GBP4: variants seen among roughly 807,000 people sequenced by gnomAD.
GBP4 encodes the protein guanylate binding protein 4.
A neutral mutation model predicts 62.2 loss-of-function variants in GBP4; 69 were observed. That is an observed-to-expected ratio of 1.11 (90% CI 0.91 to 1.36). GBP4 has a LOEUF of 1.36. GBP4 is among the 40% of genes most tolerant of loss of function. The pLI is 0.00. For synonymous variants in GBP4, 278 were observed against 274.6 expected (o/e 1.01, Z -0.12); for missense variants, 697 against 759.3 (o/e 0.92, Z 0.96).
rs1474888423 is a variant in GBP4, at chr1:89,190,201, G to A, written c.1034C>T (p.Ala345Val). 9 of 1,614,072 alleles carry A rather than the reference G, an allele frequency of 5.6e-6. No individual in the cohort carries two copies. The highest frequency in any genetic ancestry group is 5.9e-6 in the Non-Finnish European group (7 of 1,180,030). ...QLENPAAVQR[A>V]ADHYSQQMAQ... is the part of the protein sequence containing the mutation. ...CATCTGCTGGCTATAGTGGTCGGCT[G>A]CCCTCTGCACAGCCGCTGGGTTCTC... is the stretch of plus-strand genomic sequence containing the variant. Residue 345 changes from alanine to valine, a missense_variant, in exon 7 of 11, where the codon GCA becomes GTA. Physicochemically the swap from Ala to Val is moderately conservative, Grantham distance 64. Coordinates refer to ENST00000355754, the MANE Select transcript of GBP4 (RefSeq NM_052941.5).
rs1255248847 is a variant in GBP4, at chr1:89,188,773, C to T, written c.1219G>A (p.Gly407Arg). The T allele has an allele frequency of 1.9e-6, 3 of 1,614,090 alleles. No individual in the cohort carries two copies. The highest frequency in any genetic ancestry group is 2.5e-6 in the Non-Finnish European group (3 of 1,180,054). ...TCTTCATTCTGCAGCACAAAGTCTC[C>T]CTTCTTTTTCTCTATGGTGTCCTGC... Reference protein sequence around the residue: ...KLVDTIEKKKGDFVLQNEEAS... With the variant: ...KLVDTIEKKKRDFVLQNEEAS... Residue 407 changes from glycine to arginine, a missense_variant, in exon 8 of 11, where the codon GGA (glycine) becomes AGA (arginine). Gly to Arg is a moderately radical substitution (Grantham distance 125). Transcript: ENST00000355754.
intron 10 of GBP4, among the ~76,000 whole-genome samples, chr1:89,185,967 G>C (rs886365593): frequency 1.3e-5 from 2 of 152,172 alleles, no homozygotes; most frequent in Non-Finnish European, 2.9e-5. Flanking sequence ...AGCCAAATCT[G>C]ATACTTTCAT....
Position 89,185,131 on chromosome 1 carries a change from A to T in GBP4, c.*123T>A. ...GATATTCTTTGATAATCACTTTTTAATTTTAAACTTTTCTTGAATGAAACT... is the reference window on the plus strand; with the variant it reads ...GATATTCTTTGATAATCACTTTTTATTTTTAAACTTTTCTTGAATGAAACT... On this transcript the variant is annotated 3_prime_UTR_variant, in exon 11 of 11. Transcript: ENST00000355754. The T allele has an allele frequency of 1.7e-6, 1 of 573,626 alleles. No homozygotes were observed. The highest frequency in any genetic ancestry group is 3.0e-6 in the Non-Finnish European group (1 of 332,976). 35.5% of individuals were successfully genotyped at this position (573,626 alleles called of 1,614,324 possible).
intron 6 of GBP4, among the ~76,000 whole-genome samples, chr1:89,190,529 G>C (rs950783404): frequency 1.3e-5 from 2 of 151,274 alleles, no homozygotes; most frequent in Non-Finnish European, 2.9e-5. Flanking sequence ...CTTTTTTATG[G>C]CTCTTGGATT....
At chr1:89,190,876 GTTTCTCAAAC>G (rs1322553400) in intron 6 of GBP4, among the ~76,000 whole-genome samples, 1 of 151,976 alleles carries the variant, frequency 6.6e-6, no homozygotes, top group East Asian at 1.9e-4. Flanking sequence ...ATTTAAATTT[GTTTCTCAAAC>G]TCTCAATGAG....
rs775821401 is a variant in GBP4, at chr1:89,191,558, G to A, written c.671-52C>T. The A allele has an allele frequency of 5.1e-6, 8 of 1,576,492 alleles. No individual in the cohort carries two copies. In the East Asian group the frequency reaches 1.8e-4, roughly 35 times the overall value. ...ATTGAAGAGACAGCCTGCAGGCAAGGGGGCTGAGGACTTTTCCAGGGATCT... is the reference window on the plus strand; with the variant it reads ...ATTGAAGAGACAGCCTGCAGGCAAGAGGGCTGAGGACTTTTCCAGGGATCT... On this transcript the variant is annotated intron_variant, in intron 5 of 10. Transcript: ENST00000355754.
chr1:89,191,244 G>C lies in GBP4; in HGVS notation c.916+17C>G. 1 of 1,607,696 alleles carries C rather than the reference G, an allele frequency of 6.2e-7. No homozygotes were observed. The highest frequency in any genetic ancestry group is 8.5e-7 in the Non-Finnish European group (1 of 1,174,636). Reference sequence around the variant, plus strand: ...TGGACCACAGACAGACATGCTTTGGGACAAAAAAAGACTCACGCTTTCCAG... The same window carrying C: ...TGGACCACAGACAGACATGCTTTGGCACAAAAAAAGACTCACGCTTTCCAG... On this transcript the variant is annotated intron_variant, in intron 6 of 10. Transcript: ENST00000355754.
In GBP4 at chr1:89,197,182, C is replaced by T. The variant is rs373834906; in HGVS notation, c.163G>A (p.Val55Met). The stretch of plus-strand genomic sequence containing the variant: ...CGGTATAGCCCTACAATGGCCACCA[C>T]CACCACGGGCTGAGAAATCTTGTCA... The part of the protein sequence containing the change: ...ILDKISQPVV[V>M]VAIVGLYRTG... Residue 55 changes from valine to methionine, a missense_variant, in exon 2 of 11, where the codon GTG (valine) becomes ATG (methionine). By Grantham distance (21) the Val-to-Met change is conservative. Around this residue, in one of 2 missense-constraint regions of GBP4, gnomAD observed 556 missense variants for 562.7 expected, o/e 0.99. Coordinates refer to ENST00000355754, the MANE Select transcript of GBP4 (RefSeq NM_052941.5). 8 of 1,614,152 alleles carry T rather than the reference C, an allele frequency of 5.0e-6. No homozygotes were observed. The highest frequency in any genetic ancestry group is 3.3e-5 in the Admixed American group (2 of 60,022).
At position 89,184,692 on chromosome 1, in the gene GBP4, C is replaced by G. The variant is rs1647982840; in HGVS notation, c.*562G>C. 1 of 152,206 alleles carries G rather than the reference C, an allele frequency of 6.6e-6. No individual in the cohort carries two copies. Among genetic ancestry groups the G allele is most frequent in the East Asian group, 1.9e-4 (1 of 5,202 alleles). 9.4% of individuals were successfully genotyped at this position (152,206 alleles called of 1,614,324 possible). A position where few individuals can be genotyped will look rare whatever the true frequency, so the allele number is the denominator to read the frequency against. ...AGAGGAGAACAAGAGACACTGGGGT[C>G]TACTTGAGGGTGTAGGTTGGGAGGA... On this transcript the variant is annotated 3_prime_UTR_variant, in exon 11 of 11. Coordinates refer to ENST00000355754, the MANE Select transcript of GBP4 (RefSeq NM_052941.5).
intron 3 of GBP4, among the ~76,000 whole-genome samples, chr1:89,193,879 G>A (rs1006245372): frequency 6.6e-6 from 1 of 152,294 alleles, no homozygotes; most frequent in South Asian, 2.1e-4. Flanking sequence ...AGATAAACAT[G>A]TCAATATACA....
At chr1:89,191,600 C>T in intron 5 of GBP4, 94 bp from the exon 6 acceptor site, 6 of 1,238,710 alleles carry the variant, frequency 4.8e-6, no homozygotes, top group Non-Finnish European at 4.5e-6. Flanking sequence ...CCCTGCAGCT[C>T]CCCTGCCTTG....
At chr1:89,191,597 G>T in intron 5 of GBP4, 91 bp from the exon 6 acceptor site, 1 of 1,254,716 alleles carries the variant, frequency 8.0e-7, no homozygotes, top group Non-Finnish European at 1.1e-6. Flanking sequence ...CATCCCTGCA[G>T]CTCCCCTGCC....
At chr1:89,197,048 T>A in intron 2 of GBP4, 62 bp downstream of exon 2, 1 of 1,389,754 alleles carries the variant, frequency 7.2e-7, no homozygotes, top group East Asian at 2.3e-5. Flanking sequence ...CTAGAGGGGG[T>A]GTGATCAGCT....
chr1:89,195,406 G>A lies in GBP4; in HGVS notation c.254C>T (p.Thr85Met), dbSNP rs202024271. 282 of 1,613,830 alleles carry A rather than the reference G, an allele frequency of 1.7e-4. 2 individuals carry two copies. In the Admixed American group the frequency reaches 3.6e-3, roughly 20 times the overall value. The change falls in exon 3 of 11, where the codon ACG (threonine) becomes ATG (methionine). Residue 85 changes from threonine to methionine, a missense_variant. Transcript: ENST00000355754. Reference sequence around the variant, plus strand: ...GATGCCCTTAGTTTCAGACTGCACCGTGGAGCCCAGAGGGAAGCCTGCAGG... The same window carrying A: ...GATGCCCTTAGTTTCAGACTGCACCATGGAGCCCAGAGGGAAGCCTGCAGG... ...GKRNGFPLGS[T>M]VQSETKGIWM...
intron 7 of GBP4, 95 bp downstream of exon 7, chr1:89,189,943 A>C: frequency 8.4e-7 from 1 of 1,192,896 alleles, no homozygotes; most frequent in Non-Finnish European, 1.2e-6. Flanking sequence ...TGGTCTTTCC[A>C]CAGTGGTAAG....
rs1396451419 is a variant in GBP4 at position 89,183,202 on chromosome 1, C to T, written c.*2052G>A. 1 of 152,146 alleles carries T rather than the reference C, an allele frequency of 6.6e-6. No homozygotes were observed. 9.4% of individuals were successfully genotyped at this position (152,146 alleles called of 1,614,324 possible). A position where few individuals can be genotyped will look rare whatever the true frequency, so the allele number is the denominator to read the frequency against. On this transcript the variant is annotated 3_prime_UTR_variant, in exon 11 of 11. Transcript: ENST00000355754. ...AGCATGGTATTAGTAGAAAAACAGA[C>T]ACACAGATAAATGGAACATAACAGA...
In GBP4 at chr1:89,186,385, T is replaced by C. The variant is rs1405052946; in HGVS notation, c.1655A>G (p.Glu552Gly). ...MAQMEKKLEE[E>G]RENLLREHER... is the part of the protein sequence containing the mutation. ...ATGCTCTCTGAGAAGGTTTTCCCTTTCCTCCTCCAACTTCTTCTCCATTTG... is the reference window on the plus strand; with the variant it reads ...ATGCTCTCTGAGAAGGTTTTCCCTTCCCTCCTCCAACTTCTTCTCCATTTG... The change falls in exon 10 of 11, where the codon GAA becomes GGA. Residue 552 changes from glutamate (E) to glycine (G), a missense_variant. By Grantham distance (98) the Glu-to-Gly change is moderately conservative (BLOSUM62 -2). This residue lies in a region of GBP4 where 141 missense variants were observed against 196.6 expected (regional missense o/e 0.72). Transcript: ENST00000355754. 3.2e-5 allele frequency: 48 copies of C among 1,500,612 alleles called. No homozygotes were observed. Among genetic ancestry groups the C allele is most frequent in the Non-Finnish European group, 4.2e-5 (45 of 1,075,450 alleles). The allele number at this position is 1,500,612 out of a possible 1,614,324, so 93.0% of individuals were successfully genotyped here.
intron 5 of GBP4, 128 bp from the exon 6 acceptor site, chr1:89,191,634 A>G: frequency 9.7e-6 from 9 of 928,830 alleles, no homozygotes; most frequent in East Asian, 5.2e-5. Context: ...ATGCAATCAT[A>G]CAAAACAGCC....
intron 4 of GBP4, 24 bp downstream of exon 4, chr1:89,193,279 G>T (rs1289568934): frequency 6.2e-7 from 1 of 1,605,462 alleles, no homozygotes. Flanking sequence ...CATAAAACCT[G>T]CTCTTCACTT....
Sources: allele counts gnomAD v4.1 joint callset (sites outside exome capture counted in the v4.1 genomes callset), GRCh38; gene constraint gnomAD v4.1.1; regional missense constraint gnomAD v4.1.1; transcripts MANE v1.5; gene names NCBI Gene and HGNC (gene_info 2026-07-23, HGNC 2026-07-21).